Variants in CSMD3 observed in about 807,000 individuals in gnomAD.
CSMD3 encodes CUB and Sushi multiple domains 3, also known as CUB and sushi domain-containing protein 3.
Under a neutral mutation model 435.2 loss-of-function variants are expected in CSMD3, and 177 were observed. The ratio of observed to expected loss-of-function variants is 0.41; its 90% CI spans 0.36 to 0.46. The LOEUF (loss-of-function observed/expected upper bound fraction) is 0.46. CSMD3 is among the 20% of genes least tolerant of loss of function. The pLI, the probability that CSMD3 is intolerant of heterozygous loss-of-function variation, is 0.34. For missense variants in CSMD3, 4,265 were observed against 4,504.6 expected, an observed-to-expected ratio of 0.95 and a Z score of 1.52; for synonymous variants, 1,656 against 1,520.5, an observed-to-expected ratio of 1.09 and a Z score of -2.07.
At chr8:112,387,302 C>A (rs1830059633) in intron 36 of CSMD3, among the ~76,000 whole-genome samples, 1 of 151,938 alleles carries the variant, frequency 6.6e-6, no homozygotes, top group Admixed American at 6.6e-5. Context: ...AATGATTATC[C>A]CACTTTATCT....
At position 112,517,055 on chromosome 8, in the gene CSMD3, G is replaced by T. The variant is rs2130987403; in HGVS notation, c.4735C>A (p.Pro1579Thr). ...IQVENRYFWQ[P>T]SPPVCIAPCG... Reference sequence around the variant, plus strand: ...ATACCTATACAGACTGGTGGGCTGGGCTGCCAGAAGTACCGATTTTCTACC... The same window carrying T: ...ATACCTATACAGACTGGTGGGCTGGTCTGCCAGAAGTACCGATTTTCTACC... Residue 1579 changes from proline (P) to threonine (T), a missense_variant, in exon 28 of 71, where the codon CCC becomes ACC. This residue lies in a region of CSMD3 where 3,255 missense variants were observed against 3,380.2 expected (regional missense o/e 0.96). Transcript: ENST00000297405. 1 of 1,613,230 alleles carries T rather than the reference G, an allele frequency of 6.2e-7. No homozygotes were observed. Among genetic ancestry groups the T allele is most frequent in the Non-Finnish European group, 8.5e-7 (1 of 1,179,556 alleles).
intron 9 of CSMD3, among the ~76,000 whole-genome samples, chr8:112,931,631 C>T (rs186448056): frequency 4.6e-4 from 70 of 151,772 alleles, no homozygotes; most frequent in Non-Finnish European, 9.1e-4. Context: ...TTTCACACAG[C>T]AAAGGAAAAA....
chr8:112,234,006 C>G (rs994255913), intron 68 of CSMD3, among the ~76,000 whole-genome samples: 8 of 151,776 alleles, frequency 5.3e-5, no homozygotes, highest in African/African-American at 1.9e-4. Context: ...ATATTTTATC[C>G]AGATTTATTT....
chr8:112,643,327 C>T (rs753169518), intron 20 of CSMD3, among the ~76,000 whole-genome samples: 4 of 152,084 alleles, frequency 2.6e-5, no homozygotes, highest in Non-Finnish European at 5.9e-5. Context: ...TTCTGAAACA[C>T]CATACGGAGA....
chr8:112,980,185 TA>T (rs2084998137), intron 6 of CSMD3, among the ~76,000 whole-genome samples: 1 of 150,704 alleles, frequency 6.6e-6, no homozygotes, highest in African/African-American at 2.4e-5. Context: ...TCCTATAGTT[TA>T]AAAATTTTAT....
chr8:112,319,040 C>A, intron 46 of CSMD3, 90 bp from the exon 47 acceptor site: 3 of 798,894 alleles, frequency 3.8e-6, no homozygotes, highest in Non-Finnish European at 6.4e-6. Context: ...ATATTTTCTC[C>A]TTTAGTTATT....
chr8:112,546,152 TATA>T (rs1827164640), intron 27 of CSMD3, among the ~76,000 whole-genome samples: 1 of 152,204 alleles, frequency 6.6e-6, no homozygotes, highest in Non-Finnish European at 1.5e-5. Context: ...CCTCTGGATG[TATA>T]TAAATGAATA....
chr8:113,399,037 T>C (rs1341575012), intron 1 of CSMD3, among the ~76,000 whole-genome samples: 1 of 137,900 alleles, frequency 7.3e-6, no homozygotes, highest in Non-Finnish European at 1.5e-5. Context: ...TCATTAGTAA[T>C]TAGGGAAGGT....
At chr8:112,987,751 T>A (rs1191031334) in intron 6 of CSMD3, among the ~76,000 whole-genome samples, 1 of 152,120 alleles carries the variant, frequency 6.6e-6, no homozygotes, top group Non-Finnish European at 1.5e-5. Flanking sequence ...ATATTTCTTT[T>A]CCATCACCTC....
intron 39 of CSMD3, among the ~76,000 whole-genome samples, chr8:112,351,904 C>CA (rs1255893777): frequency 6.6e-6 from 1 of 151,406 alleles, no homozygotes; most frequent in Non-Finnish European, 1.5e-5. Context: ...CAAAAAAAAT[C>CA]AAAAAAGATC....
chr8:113,417,335 A>G (rs72673226), intron 1 of CSMD3, among the ~76,000 whole-genome samples: 1 of 152,154 alleles, frequency 6.6e-6, no homozygotes, highest in Non-Finnish European at 1.5e-5. Flanking sequence ...AATGCATGGG[A>G]TTTAAATATA....
At chr8:112,534,452 C>A (rs1410170090) in intron 27 of CSMD3, among the ~76,000 whole-genome samples, 2 of 152,146 alleles carry the variant, frequency 1.3e-5, no homozygotes, top group African/African-American at 4.8e-5. Context: ...AATTCCTCGA[C>A]ACATACACTC....
intron 53 of CSMD3, among the ~76,000 whole-genome samples, chr8:112,297,312 C>T (rs1820410831): frequency 6.7e-6 from 1 of 148,866 alleles, no homozygotes; most frequent in African/African-American, 2.5e-5. Flanking sequence ...GACCAAAGTA[C>T]TTCATAAACA....
At chr8:112,589,691 G>C (rs1452915149) in intron 22 of CSMD3, among the ~76,000 whole-genome samples, 1 of 152,122 alleles carries the variant, frequency 6.6e-6, no homozygotes, top group African/African-American at 2.4e-5. Flanking sequence ...TTAAAATTGA[G>C]AAAAGGAACT....
At chr8:112,686,309 T>C (rs1050526755) in intron 14 of CSMD3, among the ~76,000 whole-genome samples, 10 of 152,162 alleles carry the variant, frequency 6.6e-5, no homozygotes, top group Non-Finnish European at 1.3e-4. Context: ...GCCATCACAC[T>C]AAAATGAAGT....
At chr8:112,795,629 T>C (rs138005121) in intron 13 of CSMD3, among the ~76,000 whole-genome samples, 2,109 of 152,176 alleles carry the variant, frequency 0.014, 23 homozygotes, top group Admixed American at 0.02. Flanking sequence ...TGAAGACAAA[T>C]ATGCTGAGGA....
At chr8:113,293,710 A>C (rs2093701102) in intron 2 of CSMD3, among the ~76,000 whole-genome samples, 1 of 152,088 alleles carries the variant, frequency 6.6e-6, no homozygotes, top group South Asian at 2.1e-4. Context: ...CTTCTTTTAT[A>C]ACAAGTTCCC....
At chr8:113,350,200 C>A in intron 1 of CSMD3, among the ~76,000 whole-genome samples, 1 of 151,832 alleles carries the variant, frequency 6.6e-6, no homozygotes, top group East Asian at 1.9e-4. Flanking sequence ...GAAGATCCAC[C>A]CAGCTAAGCC....
At chr8:112,554,368 A>T (rs1396074001) in intron 25 of CSMD3, among the ~76,000 whole-genome samples, 1 of 152,040 alleles carries the variant, frequency 6.6e-6, no homozygotes, top group Admixed American at 6.6e-5. Flanking sequence ...TTTTTAAATT[A>T]AAAAGATATT....
Sources: allele counts gnomAD v4.1 joint callset (sites outside exome capture counted in the v4.1 genomes callset), GRCh38; gene constraint gnomAD v4.1.1; regional missense constraint gnomAD v4.1.1; transcripts MANE v1.5; gene names NCBI Gene and HGNC (gene_info 2026-07-23, HGNC 2026-07-21).